Variants in WWC2 observed in about 807,000 individuals in gnomAD.
WWC2 encodes the protein WW and C2 domain containing 2, also known as protein WWC2.
A neutral mutation model predicts 138.5 loss-of-function variants in WWC2; 101 were observed. The ratio of observed to expected loss-of-function variants is 0.73; its 90% CI spans 0.62 to 0.86. The LOEUF (loss-of-function observed/expected upper bound fraction) is 0.86, where lower values mean the gene tolerates loss of function less well. Among genes scored for constraint, WWC2 ranks in the 40% least tolerant of loss-of-function variants. WWC2 has a pLI of 0.00. For synonymous variants in WWC2, 558 were observed against 538.4 expected (o/e 1.04, Z -0.50); for missense variants, 1,420 against 1,419.4 (o/e 1.00, Z -0.01).
intron 1 of WWC2, among the ~76,000 whole-genome samples, chr4:183,126,371 G>T (rs79362577): frequency 0.012 from 1,862 of 152,284 alleles, 40 homozygotes; most frequent in African/African-American, 0.043. Flanking sequence ...ATCCTGTTAT[G>T]CCAGAGAAGG....
chr4:183,299,174 C>G (rs1037796626), intron 21 of WWC2, among the ~76,000 whole-genome samples: 4 of 152,076 alleles, frequency 2.6e-5, no homozygotes, highest in African/African-American at 7.2e-5. Context: ...GGAGAGAGAT[C>G]CCACTCCCAA....
At chr4:183,162,152 T>C (rs898912061) in intron 1 of WWC2, among the ~76,000 whole-genome samples, 1 of 149,594 alleles carries the variant, frequency 6.7e-6, no homozygotes, top group Non-Finnish European at 1.5e-5. Context: ...TTGTAAGTTA[T>C]ACAACAAAGA....
At chr4:183,240,383 A>AGCACC in intron 5 of WWC2, 121 bp downstream of exon 5, 1 of 633,442 alleles carries the variant, frequency 1.6e-6, no homozygotes, top group South Asian at 4.4e-5. Flanking sequence ...AAAAAAGTTC[A>AGCACC]GAGCTCTACA....
At chr4:183,111,751 T>G (rs1579947361) in intron 1 of WWC2, among the ~76,000 whole-genome samples, 1 of 151,758 alleles carries the variant, frequency 6.6e-6, no homozygotes, top group Non-Finnish European at 1.5e-5. Context: ...TGGAGTGCAG[T>G]GGCGTGATCA....
chr4:183,133,143 CT>C (rs1041167469), intron 1 of WWC2, among the ~76,000 whole-genome samples: 4 of 86,942 alleles, frequency 4.6e-5, no homozygotes, highest in Admixed American at 1.2e-4. Context: ...TTCTTTCTTT[CT>C]TTTTTTTCTT....
intron 4 of WWC2, among the ~76,000 whole-genome samples, chr4:183,214,847 A>G (rs1735708515): frequency 1.3e-5 from 2 of 152,004 alleles, no homozygotes; most frequent in African/African-American, 4.8e-5. Flanking sequence ...TCTTGACTAG[A>G]CATGAGAGAT....
chr4:183,303,993 A>G (rs1036227587), intron 21 of WWC2, among the ~76,000 whole-genome samples: 1 of 152,136 alleles, frequency 6.6e-6, no homozygotes, highest in Non-Finnish European at 1.5e-5. Flanking sequence ...GGTTTGTTAG[A>G]TAATTAAGCT....
intron 11 of WWC2, among the ~76,000 whole-genome samples, chr4:183,262,550 C>T (rs1737361770): frequency 6.6e-6 from 1 of 152,226 alleles, no homozygotes; most frequent in Admixed American, 6.5e-5. Context: ...ACTGAAGAGC[C>T]AAGTGCTGTG....
At position 183,118,228 on chromosome 4, in the gene WWC2, G is replaced by A. The variant is rs1732488571; in HGVS notation, c.131+18606G>A. On this transcript the variant is annotated intron_variant, in intron 1 of 22. Transcript: ENST00000403733. Reference sequence around the variant, plus strand: ...CTTAGATTTGGATTCAGGGTAAAGAGCCTTCATAAATAGGAAGTGATAGAA... The same window carrying A: ...CTTAGATTTGGATTCAGGGTAAAGAACCTTCATAAATAGGAAGTGATAGAA... Among the ~76,000 whole-genome samples, 3 of 152,190 alleles carry A rather than the reference G, an allele frequency of 2.0e-5. No individual in the cohort carries two copies. The South Asian group carries it at 6.2e-4, about 32-fold the overall frequency.
At position 183,261,197 on chromosome 4, in the gene WWC2, T is replaced by A. The variant is rs373870980; in HGVS notation, c.1574T>A (p.Val525Glu). Residue 525 changes from valine to glutamate, a missense_variant, in exon 11 of 23, where the codon GTG becomes GAG. Val to Glu is a moderately radical substitution (Grantham distance 121, BLOSUM62 -2). Coordinates refer to ENST00000403733, the MANE Select transcript of WWC2 (RefSeq NM_024949.6). ...SQPGQSGLCGVAAAATGHTPP... is the reference protein window; with the variant it reads ...SQPGQSGLCGEAAAATGHTPP... ...CCTGGCCAGAGTGGACTCTGTGGAG[T>A]GGCAGCTGCAGCAACAGGCCACACT... The A allele has an allele frequency of 6.2e-7, 1 of 1,612,956 alleles. No homozygotes were observed. Among genetic ancestry groups the A allele is most frequent in the South Asian group, 1.1e-5 (1 of 90,946 alleles).
chr4:183,306,372 T>C (rs1441663639), intron 21 of WWC2, among the ~76,000 whole-genome samples: 1 of 152,222 alleles, frequency 6.6e-6, no homozygotes, highest in African/African-American at 2.4e-5. Flanking sequence ...AGCTGTATTT[T>C]GTATGTAGGA....
intron 1 of WWC2, among the ~76,000 whole-genome samples, chr4:183,153,898 C>T (rs1733717670): frequency 6.6e-6 from 1 of 150,720 alleles, no homozygotes; most frequent in Admixed American, 6.7e-5. Context: ...CCCACCTCAT[C>T]CTCCCAAAGT....
At chr4:183,268,526 G>C (rs777971870) in intron 14 of WWC2, among the ~76,000 whole-genome samples, 41 of 152,166 alleles carry the variant, frequency 2.7e-4, no homozygotes, top group Non-Finnish European at 5.9e-4. Flanking sequence ...ATTCCTGGGA[G>C]GTGATCATCA....
chr4:183,144,515 A>G (rs1733393572), intron 1 of WWC2, among the ~76,000 whole-genome samples: 2 of 152,224 alleles, frequency 1.3e-5, no homozygotes, highest in African/African-American at 2.4e-5. Flanking sequence ...AAAATGTACT[A>G]TGGTGAAGAA....
chr4:183,231,261 T>A (rs1172968846), intron 4 of WWC2, among the ~76,000 whole-genome samples: 1 of 122,284 alleles, frequency 8.2e-6, no homozygotes, highest in Non-Finnish European at 1.7e-5. Context: ...GTGAAAGCTT[T>A]TTTTTTTTTT....
chr4:183,119,081 CTGT>C (rs1208596204), intron 1 of WWC2, among the ~76,000 whole-genome samples: 1 of 152,038 alleles, frequency 6.6e-6, no homozygotes, highest in Non-Finnish European at 1.5e-5. Context: ...CTATTTGATT[CTGT>C]TGTGTGATTT....
intron 1 of WWC2, among the ~76,000 whole-genome samples, chr4:183,189,393 C>T (rs1028183519): frequency 1.3e-5 from 2 of 150,510 alleles, no homozygotes; most frequent in East Asian, 2.0e-4. Flanking sequence ...GCCGAGATCG[C>T]GCCACTGCAC....
chr4:183,310,060 G>C (rs1382689703), intron 21 of WWC2, among the ~76,000 whole-genome samples: 1 of 152,198 alleles, frequency 6.6e-6, no homozygotes, highest in Non-Finnish European at 1.5e-5. Flanking sequence ...GGGGAAGAGA[G>C]GGAGGAATAG....
At chr4:183,276,092 C>G (rs528114339) in intron 16 of WWC2, among the ~76,000 whole-genome samples, 19 of 152,184 alleles carry the variant, frequency 1.2e-4, no homozygotes, top group African/African-American at 4.6e-4. Flanking sequence ...AGCAATACCT[C>G]TTGTTTTAAA....
Sources: allele counts gnomAD v4.1 joint callset (sites outside exome capture counted in the v4.1 genomes callset), GRCh38; gene constraint gnomAD v4.1.1; transcripts MANE v1.5; gene names NCBI Gene and HGNC (gene_info 2026-07-23, HGNC 2026-07-21).